ZMYM2: variants seen among roughly 807,000 people sequenced by gnomAD.
ZMYM2 encodes zinc finger MYM-type protein 2.
Under a neutral mutation model 162.8 loss-of-function variants are expected in ZMYM2, and 56 were observed. The observed-to-expected ratio is 0.34, with a 90% confidence interval of 0.28 to 0.43. ZMYM2 has a LOEUF of 0.43. ZMYM2 is among the 20% of genes least tolerant of loss of function. The probability of loss-of-function intolerance (pLI) is 1.00; values close to 1 mark genes in which losing one functional copy is unlikely to be tolerated. For synonymous variants in ZMYM2, 510 were observed against 541.6 expected (o/e 0.94, Z 0.81); for missense variants, 1,275 against 1,621.8 (o/e 0.79, Z 3.67).
At chr13:19,970,007 GTAT>G (rs1956164187) in intron 2 of ZMYM2, 1 of 984,124 alleles carries the variant, frequency 1.0e-6, no homozygotes, top group Non-Finnish European at 1.2e-6. Flanking sequence ...ATTGATGCAA[GTAT>G]TGTTGTTTCT....
chr13:19,977,435 A>G (rs1336359643), intron 2 of ZMYM2, among the ~76,000 whole-genome samples: 1 of 151,938 alleles, frequency 6.6e-6, no homozygotes, highest in East Asian at 1.9e-4. Flanking sequence ...AAGTCTTCAT[A>G]AGGATTTACC....
At chr13:19,971,310 G>T (rs1956320276) in intron 2 of ZMYM2, among the ~76,000 whole-genome samples, 1 of 124,052 alleles carries the variant, frequency 8.1e-6, no homozygotes, top group South Asian at 2.7e-4. Context: ...CACTCTTGTT[G>T]CCCAGGCTGG....
At chr13:20,055,250 C>T (rs1283256303) in intron 14 of ZMYM2, among the ~76,000 whole-genome samples, 1 of 152,018 alleles carries the variant, frequency 6.6e-6, no homozygotes. Context: ...ATTTGCCTAC[C>T]CACCAAAATT....
the ZMYM2 span, among the ~76,000 whole-genome samples, chr13:19,889,411 C>G: frequency 6.6e-6 from 1 of 151,956 alleles, no homozygotes; most frequent in South Asian, 2.1e-4. Flanking sequence ...CTCTGCCTCC[C>G]GGGTTCAAGC....
chr13:20,027,636 T>C (rs570580915), intron 9 of ZMYM2, among the ~76,000 whole-genome samples: 35 of 152,286 alleles, frequency 2.3e-4, no homozygotes, highest in East Asian at 3.9e-4. Context: ...GGAACTGTTA[T>C]GTGACAAACG....
At chr13:20,047,876 T>C (rs1954966095) in intron 12 of ZMYM2, among the ~76,000 whole-genome samples, 1 of 152,120 alleles carries the variant, frequency 6.6e-6, no homozygotes, top group Non-Finnish European at 1.5e-5. Flanking sequence ...GATACCTTTT[T>C]AGAAAGAAGT....
chr13:20,054,496 T>C (rs532623696), intron 14 of ZMYM2, among the ~76,000 whole-genome samples: 5 of 152,308 alleles, frequency 3.3e-5, no homozygotes, highest in African/African-American at 1.2e-4. Flanking sequence ...GGTAGGAGTA[T>C]GCAATAAGAT....
At chr13:19,900,157 C>T in the ZMYM2 span, among the ~76,000 whole-genome samples, 4 of 151,568 alleles carry the variant, frequency 2.6e-5, no homozygotes, top group Non-Finnish European at 5.9e-5. Flanking sequence ...AAAAATTAGC[C>T]GGGTGTGGTG....
intron 2 of ZMYM2, among the ~76,000 whole-genome samples, chr13:19,978,067 C>T (rs1238983249): frequency 2.6e-5 from 4 of 151,844 alleles, no homozygotes; most frequent in South Asian, 2.1e-4. Flanking sequence ...TTAGTAGAGA[C>T]GGGGTTTCAT....
chr13:19,908,566 C>T, the ZMYM2 span, among the ~76,000 whole-genome samples: 3 of 152,028 alleles, frequency 2.0e-5, no homozygotes, highest in Admixed American at 2.0e-4. Context: ...TTGTAAAGTT[C>T]CCCGTCTGCT....
chr13:19,866,886 C>CT, the ZMYM2 span, among the ~76,000 whole-genome samples: 1 of 151,372 alleles, frequency 6.6e-6, no homozygotes, highest in Non-Finnish European at 1.5e-5. Flanking sequence ...CAGAGTGAGA[C>CT]CCTGTCTCAA....
At chr13:19,896,760 CAA>C in the ZMYM2 span, among the ~76,000 whole-genome samples, 11 of 87,178 alleles carry the variant, frequency 1.3e-4, no homozygotes, top group Admixed American at 4.0e-4. Flanking sequence ...GACTCCATCT[CAA>C]AAAAAAAAAA....
the ZMYM2 span, among the ~76,000 whole-genome samples, chr13:19,891,411 C>G: frequency 6.6e-6 from 1 of 151,042 alleles, no homozygotes; most frequent in East Asian, 1.9e-4. Flanking sequence ...GCCACCCAGT[C>G]TGTGGTATTC....
the ZMYM2 span, among the ~76,000 whole-genome samples, chr13:19,873,935 C>G: frequency 0.11 from 16,179 of 152,212 alleles, 988 homozygotes; most frequent in Middle Eastern, 0.14. Context: ...GTTATATAGA[C>G]CAGGTTTCCA....
the ZMYM2 span, among the ~76,000 whole-genome samples, chr13:19,938,431 A>G: frequency 6.6e-6 from 1 of 152,180 alleles, no homozygotes; most frequent in South Asian, 2.1e-4. Context: ...CTGGGAGGCC[A>G]ACGTTGCAGT....
At chr13:20,056,251 A>C (rs894140105) in intron 14 of ZMYM2, among the ~76,000 whole-genome samples, 1 of 152,236 alleles carries the variant, frequency 6.6e-6, no homozygotes, top group Admixed American at 6.5e-5. Flanking sequence ...GGGACAAAAA[A>C]GCATGGATGA....
the ZMYM2 span, among the ~76,000 whole-genome samples, chr13:19,935,126 T>C: frequency 6.6e-6 from 1 of 152,040 alleles, no homozygotes; most frequent in Non-Finnish European, 1.5e-5. Flanking sequence ...GTATGTCTGA[T>C]ATTATTTTAT....
At chr13:19,928,304 G>C in the ZMYM2 span, among the ~76,000 whole-genome samples, 1 of 152,024 alleles carries the variant, frequency 6.6e-6, no homozygotes, top group African/African-American at 2.4e-5. Flanking sequence ...CACCTGACCT[G>C]CCTTTTTTTT....
At chr13:19,892,213 G>A in the ZMYM2 span, among the ~76,000 whole-genome samples, 3 of 151,866 alleles carry the variant, frequency 2.0e-5, no homozygotes, top group South Asian at 2.1e-4. Context: ...AAAGTGCTGG[G>A]ATTACGAGTG....
Sources: allele counts gnomAD v4.1 joint callset (sites outside exome capture counted in the v4.1 genomes callset), GRCh38; gene constraint gnomAD v4.1.1; transcripts MANE v1.5; gene names NCBI Gene and HGNC (gene_info 2026-07-23, HGNC 2026-07-21).